Variants in SIRPG observed in about 807,000 individuals in gnomAD.
SIRPG encodes signal regulatory protein gamma, also known as signal-regulatory protein gamma.
In SIRPG, 38 loss-of-function variants were observed where a neutral mutation model predicts 35.7. The ratio of observed to expected loss-of-function variants is 1.06; its 90% confidence interval spans 0.82 to 1.40. SIRPG has a LOEUF of 1.40. Ranked by LOEUF, SIRPG falls within the 40% of genes most tolerant of loss-of-function variation. SIRPG has a pLI of 0.00. For missense variants in SIRPG, 519 were observed against 483.0 expected (o/e 1.07, Z -0.70); for synonymous variants, 215 against 190.4 (o/e 1.13, Z -1.06).
chr20:1,680,108 T>C, the SIRPG span, among the ~76,000 whole-genome samples: 1 of 152,250 alleles, frequency 6.6e-6, no homozygotes, highest in Non-Finnish European at 1.5e-5. Flanking sequence ...CATATTCTTT[T>C]ACACATCATC....
chr20:1,630,980 G>C (rs1320648272), intron 4 of SIRPG: 1 of 152,140 alleles, frequency 6.6e-6, no homozygotes, highest in Non-Finnish European at 1.5e-5. Context: ...TCATGCTTGG[G>C]AGGGCCTCAG....
intron 2 of SIRPG, among the ~76,000 whole-genome samples, chr20:1,638,170 T>C (rs2091819364): frequency 6.6e-6 from 1 of 152,186 alleles, no homozygotes. Context: ...CTCAGCTCTT[T>C]AATCCTCCCT....
chr20:1,630,431 G>T, intron 4 of SIRPG, 125 bp from the exon 5 acceptor site: 7 of 686,756 alleles, frequency 1.0e-5, no homozygotes, highest in South Asian at 5.3e-5. Flanking sequence ...CCTGCATCCT[G>T]CCCAGGCTAT....
Position 1,636,293 on chromosome 20 carries a change from G to C in SIRPG, c.643C>G (p.Leu215Val), listed in dbSNP as rs200104645. 2.4e-5 allele frequency: 39 copies of C among 1,614,234 alleles called. No homozygotes were observed. The highest frequency in any genetic ancestry group is 2.4e-5 in the Non-Finnish European group (28 of 1,180,034). ...YSIRSTARVV[L>V]DPWDVRSQVI... ...TGAGAGCGAACGTCCCAGGGGTCCA[G>C]TACCACCCTGGCTGTGCTGCGGATG... Residue 215 changes from leucine (L) to valine (V), a missense_variant, in exon 3 of 6, where the codon CTG becomes GTG. Leu to Val is a conservative substitution (Grantham distance 32, BLOSUM62 1). Transcript: ENST00000303415.
At chr20:1,635,688 A>T in intron 3 of SIRPG, 89 bp from the exon 4 acceptor site, 1 of 1,368,652 alleles carries the variant, frequency 7.3e-7, no homozygotes, top group East Asian at 2.3e-5. Context: ...TACCACGGTG[A>T]GGGCATCACC....
chr20:1,653,632 A>G (rs903148544), intron 1 of SIRPG, among the ~76,000 whole-genome samples: 3 of 152,164 alleles, frequency 2.0e-5, no homozygotes, highest in African/African-American at 7.2e-5. Flanking sequence ...GCTTTGAGGG[A>G]AAATGCATTT....
chr20:1,634,459 G>A (rs13045074), intron 4 of SIRPG, among the ~76,000 whole-genome samples: 29,013 of 150,862 alleles, frequency 0.19, 3,503 homozygotes, highest in Admixed American at 0.31. Flanking sequence ...CGCCCGCCTC[G>A]GCCTCCCAAA....
chr20:1,664,736 G>A, the SIRPG span, among the ~76,000 whole-genome samples: 5 of 152,156 alleles, frequency 3.3e-5, no homozygotes, highest in Non-Finnish European at 7.4e-5. Context: ...TATGTTCCCG[G>A]TGCTGATCTC....
At chr20:1,635,899 T>C (rs1469063307) in intron 3 of SIRPG, among the ~76,000 whole-genome samples, 8 of 152,066 alleles carry the variant, frequency 5.3e-5, no homozygotes, top group African/African-American at 1.9e-4. Context: ...ATCAGTGAAA[T>C]CGCCGAGCAC....
At chr20:1,668,212 T>TTTCTTTC in the SIRPG span, among the ~76,000 whole-genome samples, 2 of 42,732 alleles carry the variant, frequency 4.7e-5, no homozygotes, top group Admixed American at 3.1e-4. Context: ...TCTTTCTTTC[T>TTTCTTTC]TTCTTTCTTT....
upstream of SIRPG, among the ~76,000 whole-genome samples, chr20:1,658,378 C>T (rs2091986500): frequency 6.6e-6 from 1 of 152,142 alleles, no homozygotes; most frequent in African/African-American, 2.4e-5. Context: ...TAATAAGCAA[C>T]TGCTTTGTGG....
Position 1,635,574 on chromosome 20 carries a change from T to C in SIRPG, c.774A>G (p.Gln258=), listed in dbSNP as rs745733401. 6.2e-7 allele frequency: 1 copy of C among 1,614,156 alleles called. No individual in the cohort carries two copies. Among genetic ancestry groups the C allele is most frequent in the Non-Finnish European group, 8.5e-7 (1 of 1,179,996 alleles). ...IRVPPTLEVT[Q]QPMRVGNQVN... is the part of the protein sequence containing the mutation. Reference sequence around the variant, plus strand: ...CCTGGTTCCCCACCCTCATGGGCTGTTGAGTAACCTCCAAGGTGGGTGGAA... The same window carrying C: ...CCTGGTTCCCCACCCTCATGGGCTGCTGAGTAACCTCCAAGGTGGGTGGAA... Residue 258 remains glutamine (Q), a synonymous_variant, in exon 4 of 6, where the codon CAA becomes CAG. Transcript: ENST00000303415.
At chr20:1,651,951 A>T (rs2091942655) in intron 1 of SIRPG, among the ~76,000 whole-genome samples, 1 of 152,202 alleles carries the variant, frequency 6.6e-6, no homozygotes, top group Non-Finnish European at 1.5e-5. Flanking sequence ...AGTTGTTTTG[A>T]GGTGCCAGTG....
In SIRPG at chr20:1,636,324, G is replaced by A. The variant is rs6110704; in HGVS notation, c.612C>T (p.Ala204=). ...TNVDPTGQSV[A]YSIRSTARVV... ...CCCTGGCTGTGCTGCGGATGCTGTAGGCCACACTCTGTCCTGTGGGGTCCA... is the reference window on the plus strand; with the variant it reads ...CCCTGGCTGTGCTGCGGATGCTGTAAGCCACACTCTGTCCTGTGGGGTCCA... Residue 204 remains alanine, a synonymous_variant, in exon 3 of 6, where the codon GCC becomes GCT. Coordinates refer to ENST00000303415, the MANE Select transcript of SIRPG (RefSeq NM_018556.4). 9 of 1,614,244 alleles carry A rather than the reference G, an allele frequency of 5.6e-6. No homozygotes were observed. The highest frequency in any genetic ancestry group is 1.3e-5 in the African/African-American group (1 of 75,052).
chr20:1,653,860 A>G (rs2091958106), intron 1 of SIRPG, among the ~76,000 whole-genome samples: 1 of 152,212 alleles, frequency 6.6e-6, no homozygotes. Flanking sequence ...TGGTCACATG[A>G]GATTTATCTC....
chr20:1,671,480 T>C, the SIRPG span, among the ~76,000 whole-genome samples: 1 of 152,114 alleles, frequency 6.6e-6, no homozygotes, highest in Non-Finnish European at 1.5e-5. Flanking sequence ...GGACTGGTCC[T>C]AGCCTGCCTC....
chr20:1,654,005 C>T (rs146036829), intron 1 of SIRPG, among the ~76,000 whole-genome samples: 10 of 152,038 alleles, frequency 6.6e-5, no homozygotes, highest in Middle Eastern at 3.4e-3. Context: ...TTTGGGAGGC[C>T]GAAGCGAGCA....
the SIRPG span, among the ~76,000 whole-genome samples, chr20:1,682,390 T>G: frequency 2.9e-3 from 440 of 152,308 alleles, 1 homozygote; most frequent in African/African-American, 0.01. Flanking sequence ...ACACACTACA[T>G]AAACAGAATG....
At chr20:1,651,939 T>C (rs1206904093) in intron 1 of SIRPG, among the ~76,000 whole-genome samples, 1 of 152,220 alleles carries the variant, frequency 6.6e-6, no homozygotes, top group Admixed American at 6.5e-5. Context: ...CCAGCATCTC[T>C]GAGTTGTTTT....
Sources: gnomAD v4.1 joint callset for allele counts (sites outside exome capture counted in the v4.1 genomes callset) on GRCh38, gnomAD v4.1.1 for gene constraint, MANE v1.5 for transcripts, NCBI Gene and HGNC (gene_info 2026-07-23, HGNC 2026-07-21) for gene names.